Variants in CACNB2 observed in about 807,000 individuals in gnomAD.
The protein encoded by CACNB2 is voltage-dependent L-type calcium channel subunit beta-2.
A neutral mutation model predicts 73.3 loss-of-function variants in CACNB2; 42 were observed. The observed-to-expected ratio is 0.57, with a 90% CI of 0.45 to 0.74. CACNB2 has a LOEUF of 0.74. CACNB2 is among the 30% of genes least tolerant of loss of function. CACNB2 has a pLI of 0.00. For synonymous variants in CACNB2, 348 were observed against 310.3 expected (o/e 1.12, Z -1.28); for missense variants, 940 against 853.0 (o/e 1.10, Z -1.27).
intron 2 of CACNB2, among the ~76,000 whole-genome samples, chr10:18,376,190 C>A (rs2042791868): frequency 6.6e-6 from 1 of 152,128 alleles, no homozygotes; most frequent in South Asian, 2.1e-4. Flanking sequence ...TCCTTTGCAG[C>A]AATATGGATG....
intron 2 of CACNB2, among the ~76,000 whole-genome samples, chr10:18,236,086 G>C (rs745869759): frequency 1.3e-5 from 2 of 152,100 alleles, no homozygotes; most frequent in Admixed American, 6.5e-5. Flanking sequence ...CTGTGGAACC[G>C]TGAGCCAATT....
chr10:18,193,327 A>G (rs2034490439), intron 2 of CACNB2, among the ~76,000 whole-genome samples: 1 of 151,712 alleles, frequency 6.6e-6, no homozygotes, highest in Admixed American at 6.6e-5. Flanking sequence ...ATAAACAAGC[A>G]TTCCAATTTC....
chr10:18,390,319 T>C lies in CACNB2; in HGVS notation c.214-11605T>C, dbSNP rs534331426. 2.4e-4 allele frequency among the ~76,000 whole-genome samples: 36 copies of C among 152,306 alleles called. No homozygotes were observed. In the South Asian group the frequency reaches 6.0e-3, roughly 25 times the overall value. ...CCTCCACCTCCCGAGTTCAAGTGAT[T>C]CTTCTGCCTCAGCCTCCCGAGTACC... On this transcript the variant is annotated intron_variant, in intron 2 of 13. Transcript: ENST00000324631.
At chr10:18,261,125 C>T in intron 2 of CACNB2, 1 of 1,398,372 alleles carries the variant, frequency 7.2e-7, no homozygotes, top group Non-Finnish European at 9.5e-7. Flanking sequence ...TTAGAAACTA[C>T]CTAGGAGGCA....
intron 2 of CACNB2, among the ~76,000 whole-genome samples, chr10:18,280,921 G>T (rs1307753440): frequency 6.6e-6 from 1 of 152,162 alleles, no homozygotes; most frequent in Non-Finnish European, 1.5e-5. Flanking sequence ...CTTTGCACAT[G>T]ACTTAATTTA....
chr10:18,537,500 G>A (rs1408080978), intron 12 of CACNB2, among the ~76,000 whole-genome samples: 1 of 152,006 alleles, frequency 6.6e-6, no homozygotes, highest in African/African-American at 2.4e-5. Flanking sequence ...TCTTGGGCCG[G>A]GCATGGTGGC....
intron 2 of CACNB2, among the ~76,000 whole-genome samples, chr10:18,229,312 A>G (rs2036136986): frequency 6.6e-6 from 1 of 152,204 alleles, no homozygotes; most frequent in Admixed American, 6.5e-5. Context: ...CGTTATTCCC[A>G]TATTGAGGGG....
chr10:18,143,293 C>G (rs564968958), intron 1 of CACNB2, among the ~76,000 whole-genome samples: 1 of 152,268 alleles, frequency 6.6e-6, no homozygotes, highest in East Asian at 1.9e-4. Flanking sequence ...GTGAAGCTGC[C>G]AGGCAGCAGA....
chr10:18,208,747 G>A (rs1219560455), intron 2 of CACNB2, among the ~76,000 whole-genome samples: 1 of 139,396 alleles, frequency 7.2e-6, no homozygotes, highest in African/African-American at 2.7e-5. Flanking sequence ...GTCCTTTTCT[G>A]TAGTCATCTC....
intron 3 of CACNB2, among the ~76,000 whole-genome samples, chr10:18,414,947 T>C (rs1347142989): frequency 6.6e-6 from 1 of 152,154 alleles, no homozygotes; most frequent in Non-Finnish European, 1.5e-5. Context: ...CTTACAAGTT[T>C]TTGCCCCATC....
intron 2 of CACNB2, among the ~76,000 whole-genome samples, chr10:18,261,695 G>A (rs548142098): frequency 6.6e-6 from 1 of 152,166 alleles, no homozygotes; most frequent in South Asian, 2.1e-4. Flanking sequence ...GAAATACCAC[G>A]GAGTTTGACA....
intron 2 of CACNB2, among the ~76,000 whole-genome samples, chr10:18,271,756 G>C (rs545180365): frequency 6.6e-6 from 1 of 152,112 alleles, no homozygotes; most frequent in African/African-American, 2.4e-5. Context: ...CCAGACTCCT[G>C]TGTGTGTTCT....
chr10:18,538,102 C>T, intron 12 of CACNB2, 78 bp from the exon 13 acceptor site: 1 of 1,403,108 alleles, frequency 7.1e-7, no homozygotes. Context: ...TCATGAGCCC[C>T]TTCCTCCTCT....
chr10:18,247,282 C>T (rs1333753537), intron 2 of CACNB2, among the ~76,000 whole-genome samples: 1 of 152,176 alleles, frequency 6.6e-6, no homozygotes, highest in Non-Finnish European at 1.5e-5. Flanking sequence ...CTTTAGCCAC[C>T]TCCTAGACAT....
Position 18,402,041 on chromosome 10 carries a change from A to G in CACNB2, c.331A>G (p.Lys111Glu), listed in dbSNP as rs1554810643. 1 of 1,613,604 alleles carries G rather than the reference A, an allele frequency of 6.2e-7. No individual in the cohort carries two copies. Among genetic ancestry groups the G allele is most frequent in the African/African-American group, 1.3e-5 (1 of 74,926 alleles). Residue 111 changes from lysine (K) to glutamate (E), a missense_variant and splice_region_variant, in exon 3 of 14, where the codon AAG becomes GAG. Transcript: ENST00000324631. Reference sequence around the variant, plus strand: ...GGCCCAGGCACAGTTGGAAAAAGCAAAGGTAAAATCGTTTCCTCCCTGCCA... The same window carrying G: ...GGCCCAGGCACAGTTGGAAAAAGCAGAGGTAAAATCGTTTCCTCCCTGCCA... Reference protein sequence around the residue: ...RQAQAQLEKAKTKPVAFAVRT... With the variant: ...RQAQAQLEKAETKPVAFAVRT...
intron 3 of CACNB2, among the ~76,000 whole-genome samples, chr10:18,493,498 T>G (rs937818419): frequency 6.6e-6 from 1 of 152,084 alleles, no homozygotes; most frequent in Non-Finnish European, 1.5e-5. Context: ...GACTTGAACA[T>G]CTATAGATTT....
intron 5 of CACNB2, among the ~76,000 whole-genome samples, chr10:18,503,497 G>A (rs2133055784): frequency 1.3e-5 from 2 of 152,340 alleles, no homozygotes; most frequent in South Asian, 4.1e-4. Flanking sequence ...TTGGGAGCCT[G>A]AGGTATGAGA....
intron 2 of CACNB2, among the ~76,000 whole-genome samples, chr10:18,338,120 T>A (rs2041078205): frequency 1.3e-5 from 2 of 152,070 alleles, no homozygotes; most frequent in Admixed American, 6.6e-5. Context: ...GTTATCCAAA[T>A]GAAAAGGCAG....
intron 2 of CACNB2, among the ~76,000 whole-genome samples, chr10:18,231,193 T>C (rs2036211967): frequency 6.6e-6 from 1 of 152,216 alleles, no homozygotes; most frequent in South Asian, 2.1e-4. Context: ...TTCTTCTTTT[T>C]TGAGACAGCG....
Sources: allele counts gnomAD v4.1 joint callset (sites outside exome capture counted in the v4.1 genomes callset), GRCh38; gene constraint gnomAD v4.1.1; transcripts MANE v1.5; gene names NCBI Gene and HGNC (gene_info 2026-07-23, HGNC 2026-07-21).